Variants in PRRC2C observed in about 807,000 individuals in gnomAD.
PRRC2C encodes the protein proline rich coiled-coil 2C.
Under a neutral mutation model 317.2 loss-of-function variants are expected in PRRC2C, and 72 were observed. The ratio of observed to expected loss-of-function variants is 0.23; its 90% CI spans 0.19 to 0.28. The LOEUF (loss-of-function observed/expected upper bound fraction) is 0.28. Among genes scored for constraint, PRRC2C ranks in the 10% least tolerant of loss-of-function variants. The pLI is 1.00. For missense variants in PRRC2C, 3,074 were observed against 3,459.7 expected, an observed-to-expected ratio of 0.89 and a Z score of 2.80; for synonymous variants, 1,296 against 1,205.9, an observed-to-expected ratio of 1.07 and a Z score of -1.55.
chr1:171,509,023 A>G (rs1670793317), intron 1 of PRRC2C, among the ~76,000 whole-genome samples: 1 of 152,044 alleles, frequency 6.6e-6, no homozygotes, highest in Admixed American at 6.6e-5. Flanking sequence ...AGTAGCTGGG[A>G]CTACAGGCAC....
intron 18 of PRRC2C, 76 bp from the exon 19 acceptor site, chr1:171,557,164 T>C: frequency 6.9e-7 from 1 of 1,457,728 alleles, no homozygotes; most frequent in South Asian, 1.5e-5. Flanking sequence ...TTAGTGGGAG[T>C]TGTTAAAAGT....
chr1:171,580,592 T>A (rs1434993767), intron 28 of PRRC2C, among the ~76,000 whole-genome samples: 6 of 152,230 alleles, frequency 3.9e-5, no homozygotes, highest in Admixed American at 1.3e-4. Flanking sequence ...CCACCTAAGA[T>A]AAGTCACCCT....
intron 13 of PRRC2C, 146 bp from the exon 14 acceptor site, chr1:171,535,882 CT>C: frequency 9.1e-7 from 1 of 1,101,228 alleles, no homozygotes; most frequent in Non-Finnish European, 1.3e-6. Flanking sequence ...AGTTTTTTGT[CT>C]TGCCAACTCT....
chr1:171,543,813 C>T (rs1417093070), intron 16 of PRRC2C, among the ~76,000 whole-genome samples: 1 of 152,032 alleles, frequency 6.6e-6, no homozygotes, highest in African/African-American at 2.4e-5. Flanking sequence ...GCTGCAAAGT[C>T]GAAGGTTGAG....
chr1:171,510,181 G>A (rs1406905415), intron 1 of PRRC2C: 2 of 152,178 alleles, frequency 1.3e-5, no homozygotes, highest in Non-Finnish European at 2.9e-5. Flanking sequence ...CGCAGTAGCA[G>A]TAGGTGTAGG....
chr1:171,499,569 C>G (rs149575869), intron 1 of PRRC2C, among the ~76,000 whole-genome samples: 2 of 152,040 alleles, frequency 1.3e-5, no homozygotes, highest in African/African-American at 4.8e-5. Flanking sequence ...CTCAGGAGGC[C>G]GAGGCAGGTG....
intron 18 of PRRC2C, among the ~76,000 whole-genome samples, chr1:171,551,547 C>T (rs951278473): frequency 2.6e-5 from 4 of 152,132 alleles, no homozygotes; most frequent in Non-Finnish European, 5.9e-5. Flanking sequence ...ATGCCTATAT[C>T]CTGAATGGTA....
chr1:171,498,000 T>C (rs963487457), intron 1 of PRRC2C, among the ~76,000 whole-genome samples: 2 of 151,196 alleles, frequency 1.3e-5, no homozygotes, highest in Non-Finnish European at 3.0e-5. Context: ...TTTTTTTTTT[T>C]TTTTTAAGAA....
chr1:171,528,233 A>C (rs1452837563), intron 11 of PRRC2C, among the ~76,000 whole-genome samples: 2 of 148,538 alleles, frequency 1.3e-5, no homozygotes, highest in African/African-American at 5.0e-5. Flanking sequence ...ACTCCATCCC[A>C]CTTTCCATCC....
rs750939626 is a variant in PRRC2C at position 171,540,836 on chromosome 1, G to A, written c.3370G>A (p.Val1124Ile). 3 of 1,613,572 alleles carry A rather than the reference G, an allele frequency of 1.9e-6. No individual in the cohort carries two copies. The highest frequency in any genetic ancestry group is 2.5e-6 in the Non-Finnish European group (3 of 1,179,816). The change falls in exon 16 of 35, where the codon GTA becomes ATA. Residue 1124 changes from valine to isoleucine, a missense_variant. Coordinates refer to ENST00000647382, the MANE Select transcript of PRRC2C (RefSeq NM_001387844.1). The stretch of plus-strand genomic sequence containing the variant: ...TCAGGTAGAGCCTGCAGTTAAGACT[G>A]TAAACCAACAGACTATGGCAGCACC... ...TVQVEPAVKT[V>I]NQQTMAAPVV...
At chr1:171,485,837 C>T (rs1040086929) in intron 1 of PRRC2C, 102 bp downstream of exon 1, 2 of 152,220 alleles carry the variant, frequency 1.3e-5, no homozygotes, top group East Asian at 1.9e-4. Flanking sequence ...CCCTGGCGCC[C>T]GGAGGCTAGG....
At position 171,513,222 on chromosome 1, in the gene PRRC2C, G is replaced by T; in HGVS notation, c.290+50G>T. The T allele has an allele frequency of 6.5e-7, 1 of 1,534,092 alleles. No homozygotes were observed. On this transcript the variant is annotated intron_variant, in intron 3 of 34. Transcript: ENST00000647382. ...GAAGCCCTTCCCCTTTCTTTGTAGG[G>T]AACTTATGTTTGAGTACCTGCTATT...
intron 23 of PRRC2C, 71 bp downstream of exon 23, chr1:171,568,410 A>T: frequency 6.5e-7 from 1 of 1,528,834 alleles, no homozygotes; most frequent in South Asian, 1.2e-5. Context: ...ACATTATTTC[A>T]TGTTTTATTT....
chr1:171,537,225 A>G (rs752165404), intron 14 of PRRC2C, 38 bp from the exon 15 acceptor site: 4 of 1,471,616 alleles, frequency 2.7e-6, no homozygotes, highest in Non-Finnish European at 3.7e-6. Context: ...TCATTTTTCA[A>G]AATCCTCATT....
intron 30 of PRRC2C, among the ~76,000 whole-genome samples, chr1:171,585,168 T>A (rs1342205454): frequency 1.3e-5 from 2 of 152,178 alleles, no homozygotes; most frequent in Non-Finnish European, 1.5e-5. Flanking sequence ...AAGGATTCAA[T>A]GAATATAAAA....
chr1:171,583,903 G>T (rs1276399684), intron 28 of PRRC2C, 53 bp from the exon 29 acceptor site: 2 of 1,475,082 alleles, frequency 1.4e-6, no homozygotes, highest in Non-Finnish European at 1.9e-6. Context: ...AAGATTTTCA[G>T]ATTCCAGATG....
At chr1:171,492,208 C>A (rs982592664) in intron 1 of PRRC2C, among the ~76,000 whole-genome samples, 14 of 152,104 alleles carry the variant, frequency 9.2e-5, no homozygotes, top group African/African-American at 2.9e-4. Flanking sequence ...AACTGTAGAA[C>A]TAGAGTCTTC....
intron 1 of PRRC2C, among the ~76,000 whole-genome samples, chr1:171,499,008 C>T (rs555332909): frequency 6.6e-6 from 1 of 152,330 alleles, no homozygotes; most frequent in Non-Finnish European, 1.5e-5. Context: ...AGATCTCTCA[C>T]TAAGTTGCAC....
chr1:171,507,869 G>T (rs764017663), intron 1 of PRRC2C, among the ~76,000 whole-genome samples: 1 of 152,102 alleles, frequency 6.6e-6, no homozygotes, highest in Non-Finnish European at 1.5e-5. Context: ...TTGCTCCCTT[G>T]GTTAGATTAC....
Sources: allele counts gnomAD v4.1 joint callset (sites outside exome capture counted in the v4.1 genomes callset), GRCh38; gene constraint gnomAD v4.1.1; transcripts MANE v1.5; gene names NCBI Gene and HGNC (gene_info 2026-07-23, HGNC 2026-07-21).